Variants in TENT4B observed in about 807,000 individuals in gnomAD.
TENT4B encodes the protein PAP associated domain containing 5.
In TENT4B, 10 loss-of-function variants were observed where a neutral mutation model predicts 75.0. The ratio of observed to expected loss-of-function variants is 0.13; its 90% CI spans 0.08 to 0.23. The LOEUF is 0.23. Ranked by LOEUF, TENT4B falls within the 10% of genes least tolerant of loss-of-function variation. The pLI, the probability that TENT4B is intolerant of heterozygous loss-of-function variation, is 1.00. For synonymous variants in TENT4B, 350 were observed against 357.7 expected, an observed-to-expected ratio of 0.98 and a Z score of 0.24; for missense variants, 579 against 893.8, an observed-to-expected ratio of 0.65 and a Z score of 4.49.
chr16:50,211,172 C>A, intron 1 of TENT4B, 151 bp from the exon 2 acceptor site: 1 of 822,058 alleles, frequency 1.2e-6, no homozygotes, highest in Non-Finnish European at 1.7e-6. Flanking sequence ...AAATTCTGTA[C>A]ATTCCCATTT....
intron 6 of TENT4B, among the ~76,000 whole-genome samples, chr16:50,222,947 A>G (rs1364493064): frequency 2.0e-5 from 3 of 152,206 alleles, no homozygotes; most frequent in Non-Finnish European, 4.4e-5. Flanking sequence ...AGCCTGGTGC[A>G]GCCGTAAAAT....
chr16:50,170,317 G>A (rs1265766991), intron 1 of TENT4B, among the ~76,000 whole-genome samples: 1 of 151,922 alleles, frequency 6.6e-6, no homozygotes, highest in African/African-American at 2.4e-5. Context: ...CCACACCTGG[G>A]CAACTTGTGC....
intron 1 of TENT4B, among the ~76,000 whole-genome samples, chr16:50,200,192 C>T (rs2030544208): frequency 6.6e-6 from 1 of 151,862 alleles, no homozygotes; most frequent in Non-Finnish European, 1.5e-5. Context: ...ATAGTGAGAC[C>T]TCATCTCTAC....
In TENT4B at chr16:50,222,339, T is replaced by C. The variant is rs764502332; in HGVS notation, c.1072T>C (p.Leu358=). ...TGTATTGCCATACTTGGTTTTAGTA[T>C]TGAAACAATTCCTATTGCAGAGGGA... is the stretch of plus-strand genomic sequence containing the variant. ...YPVLPYLVLV[L]KQFLLQRDLN... Residue 358 remains leucine (L), a synonymous_variant, in exon 6 of 12, where the codon TTG becomes CTG. Coordinates refer to ENST00000561678, the MANE Select transcript of TENT4B (RefSeq NM_001365324.3). 5.0e-6 allele frequency: 8 copies of C among 1,607,762 alleles called. No individual in the cohort carries two copies. The highest frequency in any genetic ancestry group is 6.8e-6 in the Non-Finnish European group (8 of 1,176,352).
intron 1 of TENT4B, among the ~76,000 whole-genome samples, chr16:50,198,733 A>G (rs951259481): frequency 5.3e-5 from 8 of 152,216 alleles, no homozygotes; most frequent in African/African-American, 1.7e-4. Flanking sequence ...CATTTTGAAA[A>G]CTAAAGATGA....
rs62028293 is a variant in TENT4B, at chr16:50,230,143, T to C, written c.*815T>C. 13,075 of 984,424 alleles carry C rather than the reference T, an allele frequency of 0.013. 126 individuals are homozygous for C. The highest frequency in any genetic ancestry group is 0.015 in the Non-Finnish European group (12,124 of 829,110). 61.0% of individuals were successfully genotyped at this position (984,424 alleles called of 1,614,324 possible). On this transcript the variant is annotated 3_prime_UTR_variant, in exon 12 of 12. Transcript: ENST00000561678. The stretch of plus-strand genomic sequence containing the variant: ...TGTAAAAAAAAAAAAATGTACTATG[T>C]ACTTTTGTGTAAACACTGAAAAATC...
intron 1 of TENT4B, among the ~76,000 whole-genome samples, chr16:50,198,138 C>T (rs1322190433): frequency 2.1e-5 from 3 of 146,284 alleles, no homozygotes; most frequent in South Asian, 2.1e-4. Context: ...AAAAAAAAGC[C>T]GGGCACAGTG....
chr16:50,231,009 C>T lies in TENT4B; in HGVS notation c.*1681C>T. 1.0e-6 allele frequency: 1 copy of T among 983,072 alleles called. No homozygotes were observed. The highest frequency in any genetic ancestry group is 1.7e-5 in the African/African-American group (1 of 57,254). The allele number at this position is 983,072 out of a possible 1,614,324, so 60.9% of individuals were successfully genotyped here. On this transcript the variant is annotated 3_prime_UTR_variant, in exon 12 of 12. Coordinates refer to ENST00000561678, the MANE Select transcript of TENT4B (RefSeq NM_001365324.3). ...GAAGACCAATCAGACCATTAATGGA[C>T]ACTTAGTGTAACTTTTTATAAAGAA... is the stretch of plus-strand genomic sequence containing the variant.
chr16:50,214,330 AT>A, intron 3 of TENT4B, 63 bp downstream of exon 3: 2 of 1,319,232 alleles, frequency 1.5e-6, no homozygotes, highest in Middle Eastern at 2.2e-4. Flanking sequence ...TGGCTGTCAA[AT>A]TTGTAAGGAG....
chr16:50,179,288 G>A (rs2038366690), intron 1 of TENT4B, among the ~76,000 whole-genome samples: 2 of 152,118 alleles, frequency 1.3e-5, no homozygotes, highest in African/African-American at 4.8e-5. Context: ...CTTGAACCCG[G>A]GTGGTGGAGG....
rs1567508246 is a variant in TENT4B, at chr16:50,214,206, CT to C, written c.763-10del. The C allele has an allele frequency of 1.9e-6, 3 of 1,555,338 alleles. No individual in the cohort carries two copies. Among genetic ancestry groups the C allele is most frequent in the Non-Finnish European group, 2.6e-6 (3 of 1,133,730 alleles). ...TGATAACTCAATATAATAACAACTT[CT>C]TTTTCTGTTTCAGGTCCAGATATTT... is the stretch of plus-strand genomic sequence containing the variant. On this transcript the variant is annotated splice_polypyrimidine_tract_variant and intron_variant, in intron 2 of 11. Transcript: ENST00000561678.
Position 50,233,112 on chromosome 16 carries a change from T to C in TENT4B, c.*3784T>C. ...TATAAATGCGTCTAACAAACCTAAT[T>C]GAATATAAAAGTTATATTTAGTAGT... On this transcript the variant is annotated 3_prime_UTR_variant, in exon 12 of 12. Coordinates refer to ENST00000561678, the MANE Select transcript of TENT4B (RefSeq NM_001365324.3). The C allele has an allele frequency of 4.1e-6, 4 of 983,404 alleles. No homozygotes were observed. The highest frequency in any genetic ancestry group is 4.8e-6 in the Non-Finnish European group (4 of 828,050). 60.9% of individuals were successfully genotyped at this position (983,404 alleles called of 1,614,324 possible). A position where few individuals can be genotyped will look rare whatever the true frequency, so the allele number is the denominator to read the frequency against.
At chr16:50,226,540 T>C (rs1026580458) in intron 10 of TENT4B, among the ~76,000 whole-genome samples, 19 of 152,230 alleles carry the variant, frequency 1.2e-4, no homozygotes, top group African/African-American at 4.6e-4. Context: ...CATGCCATTC[T>C]GCCTCAGCCT....
rs757692428 is a variant in TENT4B, at chr16:50,230,237, T to C, written c.*909T>C. On this transcript the variant is annotated 3_prime_UTR_variant, in exon 12 of 12. Transcript: ENST00000561678. The stretch of plus-strand genomic sequence containing the variant: ...GCTGTCGTCTTGGGCAATGGGCAAT[T>C]ACATGACTTTGTGTTTGCTTCCTTT... 7 of 983,918 alleles carry C rather than the reference T, an allele frequency of 7.1e-6. No homozygotes were observed. Among genetic ancestry groups the C allele is most frequent in the Non-Finnish European group, 7.2e-6 (6 of 829,732 alleles). 60.9% of individuals were successfully genotyped at this position (983,918 alleles called of 1,614,324 possible).
intron 1 of TENT4B, among the ~76,000 whole-genome samples, chr16:50,192,852 T>G (rs1227806116): frequency 6.6e-6 from 1 of 152,132 alleles, no homozygotes; most frequent in Non-Finnish European, 1.5e-5. Flanking sequence ...TTTGGGAGGC[T>G]GGGTGGATTG....
chr16:50,228,087 G>C (rs1043196879), intron 11 of TENT4B, 84 bp downstream of exon 11: 49 of 1,489,328 alleles, frequency 3.3e-5, no homozygotes, highest in Non-Finnish European at 4.3e-5. Context: ...TGCAGCATGG[G>C]TTTGAAGAAA....
At chr16:50,187,754 G>A (rs1377304186) in intron 1 of TENT4B, among the ~76,000 whole-genome samples, 1 of 151,914 alleles carries the variant, frequency 6.6e-6, no homozygotes, top group Non-Finnish European at 1.5e-5. Context: ...GCCTGGCACG[G>A]TGGCTCATGC....
chr16:50,186,152 C>G (rs1308110441), intron 1 of TENT4B, among the ~76,000 whole-genome samples: 1 of 151,984 alleles, frequency 6.6e-6, no homozygotes, highest in Non-Finnish European at 1.5e-5. Context: ...TGTCCATTGC[C>G]AGAACTTTTC....
rs1351222772 is a variant in TENT4B, at chr16:50,233,242, G to T, written c.*3914G>T. On this transcript the variant is annotated 3_prime_UTR_variant, in exon 12 of 12. Transcript: ENST00000561678. ...AAAGTGGGAACAAAGATTTATATATGAAATTCCTTAAAAGAGTTCATCTTG... is the reference window on the plus strand; with the variant it reads ...AAAGTGGGAACAAAGATTTATATATTAAATTCCTTAAAAGAGTTCATCTTG... 1.0e-6 allele frequency: 1 copy of T among 985,174 alleles called. No homozygotes were observed. The highest frequency in any genetic ancestry group is 1.2e-6 in the Non-Finnish European group (1 of 829,834). The allele number at this position is 985,174 out of a possible 1,614,324, so 61.0% of individuals were successfully genotyped here.
Sources: allele counts gnomAD v4.1 joint callset (sites outside exome capture counted in the v4.1 genomes callset), GRCh38; gene constraint gnomAD v4.1.1; transcripts MANE v1.5; gene names NCBI Gene and HGNC (gene_info 2026-07-23, HGNC 2026-07-21).